Variants in TOX2 observed in about 807,000 individuals in gnomAD.
The protein encoded by TOX2 is TOX high mobility group box family member 2.
A neutral mutation model predicts 47.4 loss-of-function variants in TOX2; 15 were observed. The ratio of observed to expected loss-of-function variants is 0.32; its 90% CI spans 0.21 to 0.49. The LOEUF (loss-of-function observed/expected upper bound fraction) is 0.49. Among genes scored for constraint, TOX2 ranks in the 20% least tolerant of loss-of-function variants. The probability of loss-of-function intolerance (pLI) is 0.99; values close to 1 mark genes in which losing one functional copy is unlikely to be tolerated. For synonymous variants in TOX2, 290 were observed against 296.6 expected (o/e 0.98, Z 0.23); for missense variants, 622 against 673.1 (o/e 0.92, Z 0.84).
At chr20:44,043,219 A>G (rs924875944) in intron 3 of TOX2, among the ~76,000 whole-genome samples, 1 of 152,144 alleles carries the variant, frequency 6.6e-6, no homozygotes, top group Non-Finnish European at 1.5e-5. Flanking sequence ...TAAGTTATGT[A>G]GGTACCAGCC....
At chr20:44,032,889 C>T (rs148353651) in intron 3 of TOX2, among the ~76,000 whole-genome samples, 5 of 152,310 alleles carry the variant, frequency 3.3e-5, no homozygotes, top group East Asian at 1.9e-4. Flanking sequence ...ATTCATAACA[C>T]GATGATCAGT....
chr20:43,966,025 A>T (rs953128647), intron 1 of TOX2, among the ~76,000 whole-genome samples: 1 of 152,232 alleles, frequency 6.6e-6, no homozygotes, highest in East Asian at 1.9e-4. Context: ...ATAATAGGTA[A>T]CATTTATTAA....
At chr20:43,966,842 C>T (rs2069864242) in intron 1 of TOX2, among the ~76,000 whole-genome samples, 1 of 151,512 alleles carries the variant, frequency 6.6e-6, no homozygotes, top group African/African-American at 2.4e-5. Flanking sequence ...CCTGGAGGGT[C>T]CTGGATATAG....
At chr20:43,961,638 G>A (rs1005183429) in intron 1 of TOX2, among the ~76,000 whole-genome samples, 21 of 152,086 alleles carry the variant, frequency 1.4e-4, no homozygotes, top group African/African-American at 5.1e-4. Context: ...GAGCAGGGAC[G>A]AGCCCACAGG....
At chr20:43,928,203 GTT>G (rs1255137118) in intron 1 of TOX2, among the ~76,000 whole-genome samples, 1 of 152,192 alleles carries the variant, frequency 6.6e-6, no homozygotes, top group Non-Finnish European at 1.5e-5. Flanking sequence ...TTGGAAAGCT[GTT>G]TATTATCTCT....
In TOX2 at chr20:43,928,712, C is replaced by A. The variant is rs150144649; in HGVS notation, c.99+13722C>A. Among the ~76,000 whole-genome samples the A allele has an allele frequency of 4.9e-3, 750 of 152,274 alleles. 5 individuals are homozygous for A. The highest frequency in any genetic ancestry group is 6.6e-3 in the Non-Finnish European group (448 of 68,016). ...TTCCACATGCCAGCTGGGGAAACTTCGCTTTCCATGGAGTTTGGAGACATT... is the reference window on the plus strand; with the variant it reads ...TTCCACATGCCAGCTGGGGAAACTTAGCTTTCCATGGAGTTTGGAGACATT... On this transcript the variant is annotated intron_variant, in intron 1 of 8. Transcript: ENST00000341197.
intron 3 of TOX2, among the ~76,000 whole-genome samples, chr20:44,037,714 A>G (rs530579770): frequency 6.6e-6 from 1 of 152,146 alleles, no homozygotes; most frequent in East Asian, 1.9e-4. Flanking sequence ...ATCATTTTCT[A>G]TAAAACAAAG....
At position 44,065,923 on chromosome 20, in the gene TOX2, C is replaced by CGCT. The variant is rs1332892998; in HGVS notation, c.1174_1175insTGC (p.Pro391_Pro392insLeu). ...CTGCCAGGCCTCAGTGCGTCCCCGCCGCCGCCACCCTCCTTCCCGCTCAGC... is the reference window on the plus strand; with the variant it reads ...CTGCCAGGCCTCAGTGCGTCCCCGCCGCTGCCGCCACCCTCCTTCCCGCTCAGC... On this transcript the variant is annotated inframe_insertion, in exon 7 of 9. Coordinates refer to ENST00000341197, the MANE Select transcript of TOX2 (RefSeq NM_001098797.2). 3.7e-6 allele frequency: 6 copies of CGCT among 1,611,450 alleles called. No individual in the cohort carries two copies. The highest frequency in any genetic ancestry group is 5.1e-6 in the Non-Finnish European group (6 of 1,178,596).
chr20:44,015,123 G>A (rs984528261), intron 3 of TOX2, among the ~76,000 whole-genome samples: 2 of 152,118 alleles, frequency 1.3e-5, no homozygotes, highest in African/African-American at 4.8e-5. Context: ...ATGGAAGTAG[G>A]GGGAGCACTG....
chr20:44,022,126 G>A (rs376962800), intron 3 of TOX2, among the ~76,000 whole-genome samples: 15 of 152,310 alleles, frequency 9.8e-5, no homozygotes, highest in Admixed American at 8.5e-4. Flanking sequence ...ACTGTCCTTC[G>A]GGAACAGCCC....
intron 6 of TOX2, among the ~76,000 whole-genome samples, chr20:44,065,261 C>A (rs75844339): frequency 6.6e-6 from 1 of 152,168 alleles, no homozygotes; most frequent in African/African-American, 2.4e-5. Context: ...ACACCAGCAA[C>A]GTAGGAAGCT....
At chr20:43,957,479 T>C (rs752812674) in intron 1 of TOX2, among the ~76,000 whole-genome samples, 13 of 152,232 alleles carry the variant, frequency 8.5e-5, no homozygotes, top group Non-Finnish European at 1.9e-4. Context: ...AACTGGATGA[T>C]ATCTTCCTCC....
At chr20:43,949,245 A>G (rs1354081243) in intron 1 of TOX2, among the ~76,000 whole-genome samples, 1 of 152,086 alleles carries the variant, frequency 6.6e-6, no homozygotes, top group East Asian at 1.9e-4. Flanking sequence ...ATCTAATCCA[A>G]CTGCACTTGC....
chr20:43,973,378 C>T lies in TOX2; in HGVS notation c.111C>T (p.Asp37=). ...DYYHGGKFDG[D]SAYVGMSDGN... is the part of the protein sequence containing the mutation. ...TCTCTCTATTCTAGTTTGATGGTGA[C>T]AGTGCCTACGTGGGGATGAGTGACG... The change falls in exon 2 of 9, where the codon GAC becomes GAT. Residue 37 remains aspartate (D), a synonymous_variant. Transcript: ENST00000341197. 1 of 1,614,098 alleles carries T rather than the reference C, an allele frequency of 6.2e-7. No homozygotes were observed. The highest frequency in any genetic ancestry group is 1.1e-5 in the South Asian group (1 of 91,074).
chr20:44,046,432 A>G (rs1050776055), intron 3 of TOX2, among the ~76,000 whole-genome samples: 2 of 152,384 alleles, frequency 1.3e-5, no homozygotes, highest in African/African-American at 4.8e-5. Context: ...CAGAATTACT[A>G]TATGATACGG....
intron 1 of TOX2, among the ~76,000 whole-genome samples, chr20:43,971,528 G>A (rs755616658): frequency 2.6e-5 from 4 of 152,212 alleles, no homozygotes; most frequent in Non-Finnish European, 5.9e-5. Context: ...TACGGCCTCC[G>A]TGAGGGCAGC....
intron 3 of TOX2, among the ~76,000 whole-genome samples, chr20:44,026,248 T>TATATATATATATATATATACACACACAC (rs750976068): frequency 5.9e-5 from 4 of 67,724 alleles, no homozygotes; most frequent in African/African-American, 2.9e-4. Context: ...TATATATATA[T>TATATATATATATATATATACACACACAC]AGACACACAC....
At chr20:44,054,816 C>T (rs574827108) in intron 5 of TOX2, among the ~76,000 whole-genome samples, 2 of 152,328 alleles carry the variant, frequency 1.3e-5, no homozygotes, top group South Asian at 4.1e-4. Context: ...CATCTCCATC[C>T]ATCTTGTCCC....
intron 2 of TOX2, among the ~76,000 whole-genome samples, chr20:43,991,341 T>A (rs558032056): frequency 6.6e-6 from 1 of 152,342 alleles, no homozygotes; most frequent in South Asian, 2.1e-4. Flanking sequence ...CTGAGCCCAA[T>A]GCCATAGCAG....
Sources: gnomAD v4.1 joint callset for allele counts (sites outside exome capture counted in the v4.1 genomes callset) on GRCh38, gnomAD v4.1.1 for gene constraint, MANE v1.5 for transcripts, NCBI Gene and HGNC (gene_info 2026-07-23, HGNC 2026-07-21) for gene names.